VPS33A: variants seen among roughly 807,000 people sequenced by gnomAD.
VPS33A encodes the protein VPS33A core subunit of CORVET and HOPS complexes.
Under a neutral mutation model 71.8 loss-of-function variants are expected in VPS33A, and 32 were observed. That is an observed-to-expected ratio of 0.45 (90% confidence interval 0.34 to 0.60). VPS33A has a LOEUF of 0.60. VPS33A is among the 20% of genes least tolerant of loss of function. The probability of loss-of-function intolerance (pLI) is 0.02; values close to 1 mark genes in which losing one functional copy is unlikely to be tolerated. For synonymous variants in VPS33A, 311 were observed against 292.7 expected, an observed-to-expected ratio of 1.06 and a Z score of -0.64; for missense variants, 625 against 748.5, an observed-to-expected ratio of 0.84 and a Z score of 1.92.
intron 4 of VPS33A, among the ~76,000 whole-genome samples, chr12:122,254,300 T>C (rs770209750): frequency 3.9e-5 from 6 of 152,060 alleles, no homozygotes; most frequent in Non-Finnish European, 7.4e-5. Flanking sequence ...GGGGCTGACT[T>C]TAACATTAGG....
At position 122,249,904 on chromosome 12, in the gene VPS33A, C is replaced by T; in HGVS notation, c.742G>A (p.Gly248Arg). ...TPLATQLTYE[G>R]LIDEIYGIQN... The stretch of plus-strand genomic sequence containing the variant: ...ATGCCATAAATTTCATCAATGAGTC[C>T]TTCATATGTCAGCTGAGTGGCAAGA... Residue 248 changes from glycine to arginine, a missense_variant, in exon 6 of 13, where the codon GGA (glycine) becomes AGA (arginine). Transcript: ENST00000267199. 2 of 1,613,818 alleles carry T rather than the reference C, an allele frequency of 1.2e-6. No homozygotes were observed. Among genetic ancestry groups the T allele is most frequent in the South Asian group, 2.2e-5 (2 of 91,012 alleles).
intron 10 of VPS33A, among the ~76,000 whole-genome samples, chr12:122,237,704 C>A (rs1382042625): frequency 3.9e-5 from 5 of 128,060 alleles, no homozygotes; most frequent in Admixed American, 1.5e-4. Flanking sequence ...CCACCGCGCC[C>A]GGCTAATTTT....
chr12:122,234,268 T>A (rs542688519), intron 11 of VPS33A, among the ~76,000 whole-genome samples: 1 of 152,060 alleles, frequency 6.6e-6, no homozygotes, highest in South Asian at 2.1e-4. Flanking sequence ...TTGCATAGCT[T>A]TTTTTTTCCC....
chr12:122,232,012 G>A lies in VPS33A; in HGVS notation c.*234C>T, dbSNP rs556054805. ...GTGGAGGTTGCAGTGAGGTGAGACC[G>A]TGCCACTGCACTCTAGTCTGGGTGA... On this transcript the variant is annotated 3_prime_UTR_variant, in exon 13 of 13. Coordinates refer to ENST00000267199, the MANE Select transcript of VPS33A (RefSeq NM_022916.6). 69 of 446,864 alleles carry A rather than the reference G, an allele frequency of 1.5e-4. No individual in the cohort carries two copies. The highest frequency in any genetic ancestry group is 1.2e-3 in the East Asian group (35 of 29,176). 27.7% of individuals were successfully genotyped at this position (446,864 alleles called of 1,614,324 possible). A position where few individuals can be genotyped will look rare whatever the true frequency, so the allele number is the denominator to read the frequency against.
chr12:122,232,737 T>C, intron 12 of VPS33A, 63 bp downstream of exon 12: 1 of 1,550,446 alleles, frequency 6.4e-7, no homozygotes, highest in Admixed American at 2.0e-5. Flanking sequence ...AAAGCAACTG[T>C]ACAATACCTG....
At position 122,231,071 on chromosome 12, in the gene VPS33A, G is replaced by A. The variant is rs1954554482; in HGVS notation, c.*1175C>T. 6.6e-6 allele frequency: 1 copy of A among 152,290 alleles called. No homozygotes were observed. Among genetic ancestry groups the A allele is most frequent in the African/African-American group, 2.4e-5 (1 of 41,456 alleles). The allele number at this position is 152,290 out of a possible 1,614,324, so 9.4% of individuals were successfully genotyped here. ...GCCAGATGCTGAAGAAGCAAGAGTT[G>A]CCCCTGCTCACTGTGGGACCAGTTG... On this transcript the variant is annotated 3_prime_UTR_variant, in exon 13 of 13. Transcript: ENST00000267199.
intron 8 of VPS33A, 128 bp downstream of exon 8, chr12:122,242,254 G>T: frequency 8.5e-7 from 1 of 1,171,046 alleles, no homozygotes; most frequent in Non-Finnish European, 1.2e-6. Flanking sequence ...TTAACACTGA[G>T]AAGAACACGT....
At chr12:122,262,537 A>G (rs1273789973) in intron 3 of VPS33A, among the ~76,000 whole-genome samples, 1 of 150,506 alleles carries the variant, frequency 6.6e-6, no homozygotes, top group African/African-American at 2.4e-5. Flanking sequence ...CAATTGTACC[A>G]CAGAGTGCAG....
chr12:122,261,512 TTATC>T, intron 3 of VPS33A, 65 bp from the exon 4 acceptor site: 1 of 1,470,144 alleles, frequency 6.8e-7, no homozygotes, highest in Non-Finnish European at 9.4e-7. Context: ...TTTGCTTTTT[TTATC>T]CCCACTGCCT....
At position 122,246,233 on chromosome 12, in the gene VPS33A, G is replaced by A. The variant is rs572885744; in HGVS notation, c.776-1471C>T. 2.0e-5 allele frequency among the ~76,000 whole-genome samples: 3 copies of A among 152,240 alleles called. No homozygotes were observed. In the East Asian group the frequency reaches 5.8e-4, roughly 29 times the overall value. The stretch of plus-strand genomic sequence containing the variant: ...ATGTAGGCTGGGCACAGTGGCTCAC[G>A]CCTGTAATCCCAGCACTTTGAGAGG... On this transcript the variant is annotated intron_variant, in intron 6 of 12. Transcript: ENST00000267199.
At chr12:122,250,636 A>G (rs1412679753) in intron 5 of VPS33A, among the ~76,000 whole-genome samples, 1 of 152,108 alleles carries the variant, frequency 6.6e-6, no homozygotes. Flanking sequence ...TAAACAGTGA[A>G]ATCACCAAAA....
intron 2 of VPS33A, among the ~76,000 whole-genome samples, 187 bp from the exon 3 acceptor site, chr12:122,263,886 A>C (rs1309645248): frequency 6.6e-6 from 1 of 152,244 alleles, no homozygotes; most frequent in Non-Finnish European, 1.5e-5. Context: ...CTGCATCAGC[A>C]TTCAAATGAC....
At chr12:122,252,225 C>G (rs1436002980) in intron 4 of VPS33A, among the ~76,000 whole-genome samples, 1 of 152,102 alleles carries the variant, frequency 6.6e-6, no homozygotes, top group African/African-American at 2.4e-5. Flanking sequence ...CCGCCACACT[C>G]CCCTCTGGGC....
At chr12:122,257,426 C>CAAA (rs35763135) in intron 4 of VPS33A, among the ~76,000 whole-genome samples, 5 of 64,956 alleles carry the variant, frequency 7.7e-5, no homozygotes, top group Admixed American at 1.9e-4. Context: ...GACTCTGCCT[C>CAAA]AAAAAAAAAA....
At chr12:122,261,233 C>A (rs755336990) in intron 4 of VPS33A, 28 bp downstream of exon 4, 2 of 1,591,700 alleles carry the variant, frequency 1.3e-6, no homozygotes, top group South Asian at 2.3e-5. Context: ...AAAATTAATG[C>A]CTGAAGTTAA....
chr12:122,241,367 G>A (rs1197983020), intron 8 of VPS33A, among the ~76,000 whole-genome samples: 1 of 151,934 alleles, frequency 6.6e-6, no homozygotes, highest in Non-Finnish European at 1.5e-5. Context: ...GTGCAGTGGT[G>A]CAATCTTGGC....
At position 122,235,809 on chromosome 12, in the gene VPS33A, A is replaced by G; in HGVS notation, c.1417T>C (p.Trp473Arg). ...ACTTGCTCATTAACATCATCCATCC[A>G]GAGGCGTAATGTTTTCCGTATAGTT... ...YPTIRKTLRL[W>R]MDDVNEQNPT... The change falls in exon 11 of 13, where the codon TGG becomes CGG. Residue 473 changes from tryptophan (W) to arginine (R), a missense_variant. Transcript: ENST00000267199. The G allele has an allele frequency of 1.9e-6, 3 of 1,613,222 alleles. No homozygotes were observed. The highest frequency in any genetic ancestry group is 2.5e-6 in the Non-Finnish European group (3 of 1,179,658).
chr12:122,248,230 C>T (rs1172243999), intron 6 of VPS33A: 1 of 152,334 alleles, frequency 6.6e-6, no homozygotes, highest in Non-Finnish European at 1.5e-5. Context: ...CTTACACATC[C>T]CTCTCCTCAG....
rs1340697077 is a variant in VPS33A at position 122,241,163 on chromosome 12, G to A, written c.1097-1218C>T. On this transcript the variant is annotated intron_variant, in intron 8 of 12. Coordinates refer to ENST00000267199, the MANE Select transcript of VPS33A (RefSeq NM_022916.6). ...AAAAAAAAAAAAAGAAAAAAAGCTA[G>A]ACTAAAAAAATTAACCATCTCAGAT... 6.0e-5 allele frequency: 9 copies of A among 150,158 alleles called. No individual in the cohort carries two copies. In the East Asian group the frequency reaches 1.8e-3, roughly 29 times the overall value. 9.3% of individuals were successfully genotyped at this position (150,158 alleles called of 1,614,324 possible).
Sources: gnomAD v4.1 joint callset for allele counts (sites outside exome capture counted in the v4.1 genomes callset) on GRCh38, gnomAD v4.1.1 for gene constraint, MANE v1.5 for transcripts, NCBI Gene and HGNC (gene_info 2026-07-23, HGNC 2026-07-21) for gene names.